The following MMP7 variants were observed in gnomAD, a reference collection of about 807,000 sequenced individuals.
MMP7 encodes matrilysin.
In MMP7, 26 loss-of-function variants were observed where a neutral mutation model predicts 31.5. That is an observed-to-expected ratio of 0.83 (90% confidence interval 0.61 to 1.15). MMP7 has a LOEUF of 1.15. MMP7 is among the 50% of genes most tolerant of loss of function. MMP7 has a pLI of 0.00. For missense variants in MMP7, 367 were observed against 326.5 expected (o/e 1.12, Z -0.96); for synonymous variants, 142 against 124.2 (o/e 1.14, Z -0.95).
At chr11:102,526,223 A>AT (rs200101403) in intron 3 of MMP7, among the ~76,000 whole-genome samples, 40,543 of 117,572 alleles carry the variant, frequency 0.34, 6,832 homozygotes, top group African/African-American at 0.5. Context: ...GTAAAAAAAA[A>AT]AAATATATAT....
intron 1 of MMP7, 23 bp downstream of exon 1, chr11:102,530,570 T>G: frequency 6.3e-7 from 1 of 1,575,156 alleles, no homozygotes; most frequent in Non-Finnish European, 8.7e-7. Context: ...AATGGAACCC[T>G]AAGTAAGTGG....
chr11:102,525,373 C>G (rs1439921453), intron 3 of MMP7, among the ~76,000 whole-genome samples: 2 of 151,150 alleles, frequency 1.3e-5, no homozygotes, highest in Admixed American at 1.3e-4. Context: ...ACTCAGGAGG[C>G]GGAAGTTGCA....
rs1209178320 is a variant in MMP7, at chr11:102,530,741, AT to A, written c.-42del. On this transcript the variant is annotated 5_prime_UTR_variant, in exon 1 of 6. Transcript: ENST00000260227. Reference sequence around the variant, plus strand: ...ACAATTGTTCTTGGACCTATGGTTGATTTGGTGTTTTCTGCTAGTGACTGCA... The same window carrying A: ...ACAATTGTTCTTGGACCTATGGTTGATTGGTGTTTTCTGCTAGTGACTGCA... 6.3e-7 allele frequency: 1 copy of A among 1,576,440 alleles called. No homozygotes were observed. The highest frequency in any genetic ancestry group is 8.7e-7 in the Non-Finnish European group (1 of 1,151,422).
chr11:102,526,516 C>T lies in MMP7; in HGVS notation c.484+1008G>A, dbSNP rs535959770. ...CCTCCCGAAGTGCTGGGATTACAGG[C>T]GTGAGCCACCACACCCTGCTGTGTT... On this transcript the variant is annotated intron_variant, in intron 3 of 5. Transcript: ENST00000260227. Among the ~76,000 whole-genome samples the T allele has an allele frequency of 3.3e-5, 5 of 152,184 alleles. No individual in the cohort carries two copies. The South Asian group carries it at 6.2e-4, about 19-fold the overall frequency.
chr11:102,524,882 T>C, intron 4 of MMP7, 54 bp downstream of exon 4: 1 of 1,567,122 alleles, frequency 6.4e-7, no homozygotes, highest in South Asian at 1.2e-5. Flanking sequence ...TAACTTAGTG[T>C]AAGTCCAGGA....
intron 5 of MMP7, among the ~76,000 whole-genome samples, chr11:102,521,211 T>G (rs1858609607): frequency 6.6e-6 from 1 of 152,226 alleles, no homozygotes; most frequent in African/African-American, 2.4e-5. Context: ...ATTTATTTAT[T>G]TTTTGAGATG....
chr11:102,524,134 C>T (rs999491929), intron 4 of MMP7: 1 of 152,196 alleles, frequency 6.6e-6, no homozygotes, highest in Admixed American at 6.6e-5. Context: ...TGCCTTTAAC[C>T]TACCTTAAGT....
chr11:102,526,307 T>C (rs756514756), intron 3 of MMP7, among the ~76,000 whole-genome samples: 38 of 151,396 alleles, frequency 2.5e-4, no homozygotes, highest in Non-Finnish European at 4.0e-4. Context: ...TGGTGTGACC[T>C]TGGCTCATTG....
intron 5 of MMP7, among the ~76,000 whole-genome samples, chr11:102,522,726 G>T (rs1027888893): frequency 8.5e-5 from 13 of 152,302 alleles, no homozygotes; most frequent in African/African-American, 2.9e-4. Context: ...AACCAAAAAA[G>T]CATAGACTGG....
In MMP7 at chr11:102,520,736, A is replaced by T; in HGVS notation, c.*40T>A. On this transcript the variant is annotated 3_prime_UTR_variant, in exon 6 of 6. Coordinates refer to ENST00000260227, the MANE Select transcript of MMP7 (RefSeq NM_002423.5). ...TTCTGATTGTGCAACAATGATATAC[A>T]ATCCAATGAATGAATGAATGGATGT... The T allele has an allele frequency of 6.7e-7, 1 of 1,493,636 alleles. No homozygotes were observed. The highest frequency in any genetic ancestry group is 9.2e-7 in the Non-Finnish European group (1 of 1,085,274). The allele number at this position is 1,493,636 out of a possible 1,614,324, so 92.5% of individuals were successfully genotyped here. A position where few individuals can be genotyped will look rare whatever the true frequency, so the allele number is the denominator to read the frequency against.
chr11:102,530,652 C>T lies in MMP7; in HGVS notation c.49G>A (p.Ala17Thr), dbSNP rs758491038. The T allele has an allele frequency of 6.2e-7, 1 of 1,613,770 alleles. No individual in the cohort carries two copies. The highest frequency in any genetic ancestry group is 8.5e-7 in the Non-Finnish European group (1 of 1,179,954). The change falls in exon 1 of 6, where the codon GCC (alanine) becomes ACC (threonine). Residue 17 changes from alanine to threonine, a missense_variant. Transcript: ENST00000260227. ...CCCGCCTCCTGAGGCAGCGGCAGGG[C>T]CAGGCTGCCAGGCAGCAGGCACACA... ...CAVCLLPGSL[A>T]LPLPQEAGGM...
chr11:102,530,468 C>G, intron 1 of MMP7, 125 bp downstream of exon 1: 1 of 758,938 alleles, frequency 1.3e-6, no homozygotes, highest in Non-Finnish European at 2.3e-6. Flanking sequence ...CTTTTATAAT[C>G]CGAAGAACCA....
At chr11:102,523,871 C>T (rs1858640278) in intron 4 of MMP7, among the ~76,000 whole-genome samples, 1 of 152,108 alleles carries the variant, frequency 6.6e-6, no homozygotes, top group African/African-American at 2.4e-5. Context: ...GAAGTCACGG[C>T]CATTCAATAA....
chr11:102,529,046 T>C (rs1858703809), intron 1 of MMP7, among the ~76,000 whole-genome samples: 1 of 152,234 alleles, frequency 6.6e-6, no homozygotes, highest in Admixed American at 6.5e-5. Context: ...CTGACTTCTA[T>C]ACATTAGAAA....
intron 3 of MMP7, among the ~76,000 whole-genome samples, chr11:102,526,671 T>C (rs934248205): frequency 6.6e-6 from 1 of 152,222 alleles, no homozygotes; most frequent in African/African-American, 2.4e-5. Flanking sequence ...CGACTCTTTC[T>C]GTTGATTTAA....
Position 102,520,548 on chromosome 11 carries a change from G to T in MMP7, c.*228C>A. The stretch of plus-strand genomic sequence containing the variant: ...ATAAACATTTTATTTATTTGTGTAT[G>T]TAACATTTATTGACATCTACCCACT... On this transcript the variant is annotated 3_prime_UTR_variant, in exon 6 of 6. Transcript: ENST00000260227. 2.4e-6 allele frequency: 1 copy of T among 423,198 alleles called. No individual in the cohort carries two copies. Among genetic ancestry groups the T allele is most frequent in the Non-Finnish European group, 4.2e-6 (1 of 235,936 alleles). 26.2% of individuals were successfully genotyped at this position (423,198 alleles called of 1,614,324 possible).
At chr11:102,528,104 A>C in intron 1 of MMP7, 121 bp from the exon 2 acceptor site, 1 of 729,856 alleles carries the variant, frequency 1.4e-6, no homozygotes, top group South Asian at 2.0e-5. Flanking sequence ...AGACAGAATA[A>C]TTACATAGTC....
Position 102,520,542 on chromosome 11 carries a change from G to A in MMP7, c.*234C>T, listed in dbSNP as rs77030579. On this transcript the variant is annotated 3_prime_UTR_variant, in exon 6 of 6. Coordinates refer to ENST00000260227, the MANE Select transcript of MMP7 (RefSeq NM_002423.5). ...CATGGAATAAACATTTTATTTATTT[G>A]TGTATGTAACATTTATTGACATCTA... 4,160 of 404,200 alleles carry A rather than the reference G, an allele frequency of 0.01. 147 individuals are homozygous for A. The highest frequency in any genetic ancestry group is 0.077 in the African/African-American group (3,814 of 49,402). 25.0% of individuals were successfully genotyped at this position (404,200 alleles called of 1,614,324 possible).
intron 3 of MMP7, among the ~76,000 whole-genome samples, chr11:102,526,213 G>T (rs1325142214): frequency 8.6e-5 from 4 of 46,718 alleles, no homozygotes; most frequent in Admixed American, 2.2e-4. Flanking sequence ...AAAAACCCAC[G>T]TAAAAAAAAA....
Sources: allele counts gnomAD v4.1 joint callset (sites outside exome capture counted in the v4.1 genomes callset), GRCh38; gene constraint gnomAD v4.1.1; transcripts MANE v1.5; gene names NCBI Gene and HGNC (gene_info 2026-07-23, HGNC 2026-07-21).